Variants in BDP1 observed in about 807,000 individuals in gnomAD.
The protein encoded by BDP1 is transcription factor TFIIIB component B'' homolog.
In BDP1, 169 loss-of-function variants were observed where a neutral mutation model predicts 266.6. The observed-to-expected ratio is 0.63, with a 90% CI of 0.56 to 0.72. BDP1 has a LOEUF of 0.72. Among genes scored for constraint, BDP1 ranks in the 30% least tolerant of loss-of-function variants. The pLI is 0.00. For missense variants in BDP1, 3,015 were observed against 3,053.8 expected (o/e 0.99, Z 0.30); for synonymous variants, 1,090 against 1,022.4 (o/e 1.07, Z -1.26).
rs1216266138 is a variant in BDP1 at position 71,552,414 on chromosome 5, G to A, written c.6996-702G>A. 4.6e-5 allele frequency among the ~76,000 whole-genome samples: 7 copies of A among 152,314 alleles called. No individual in the cohort carries two copies. In the South Asian group the frequency reaches 1.0e-3, roughly 23 times the overall value. On this transcript the variant is annotated intron_variant, in intron 34 of 38. Transcript: ENST00000358731. The stretch of plus-strand genomic sequence containing the variant: ...CAGAGGGGCTCCTCACATCCCAGAC[G>A]ATGGGCGGCCAGGCAGAGGCTGCAA...
At chr5:71,577,488 G>C in the BDP1 span, among the ~76,000 whole-genome samples, 1 of 152,188 alleles carries the variant, frequency 6.6e-6, no homozygotes, top group Non-Finnish European at 1.5e-5. Flanking sequence ...CAAGTACAAA[G>C]CTTGCAATTG....
chr5:71,456,844 GTC>G (rs1252255094), intron 1 of BDP1, among the ~76,000 whole-genome samples: 4 of 152,196 alleles, frequency 2.6e-5, no homozygotes, highest in Non-Finnish European at 5.9e-5. Flanking sequence ...GGCTAAGATG[GTC>G]TCTGTTTCTA....
At position 71,513,763 on chromosome 5, in the gene BDP1, A is replaced by T. The variant is rs1376571604; in HGVS notation, c.4470+356A>T. Among the ~76,000 whole-genome samples, 3 of 151,974 alleles carry T rather than the reference A, an allele frequency of 2.0e-5. No homozygotes were observed. In the East Asian group the frequency reaches 5.8e-4, roughly 29 times the overall value. ...TGAGATGAAGTCTCACTCTGTTCCC[A>T]GGCTGGAGTGCAGTGGCGCGATCTC... On this transcript the variant is annotated intron_variant, in intron 19 of 38. Transcript: ENST00000358731.
intron 22 of BDP1, among the ~76,000 whole-genome samples, chr5:71,518,512 G>A (rs944098653): frequency 4.0e-5 from 6 of 151,726 alleles, no homozygotes; most frequent in South Asian, 4.2e-4. Context: ...GTGCAGTGGC[G>A]CAGTCACAGC....
the BDP1 span, among the ~76,000 whole-genome samples, chr5:71,576,772 G>A: frequency 6.6e-6 from 1 of 152,092 alleles, no homozygotes; most frequent in African/African-American, 2.4e-5. Flanking sequence ...AATCCCAGTC[G>A]GCCGCCCAGA....
intron 34 of BDP1, 23 bp from the exon 35 acceptor site, chr5:71,553,093 G>T (rs779146692): frequency 4.0e-5 from 62 of 1,550,874 alleles, no homozygotes; most frequent in Non-Finnish European, 5.1e-5. Flanking sequence ...CAGTAATTTA[G>T]TATGTATTTC....
intron 19 of BDP1, among the ~76,000 whole-genome samples, chr5:71,514,463 C>T (rs1032794802): frequency 6.6e-6 from 1 of 152,140 alleles, no homozygotes; most frequent in African/African-American, 2.4e-5. Context: ...TATCCACTTA[C>T]ACTTTTTCGT....
intron 4 of BDP1, among the ~76,000 whole-genome samples, chr5:71,464,808 T>G (rs1238134879): frequency 1.4e-5 from 2 of 140,026 alleles, no homozygotes; most frequent in Non-Finnish European, 3.0e-5. Context: ...AGCCTCTGCC[T>G]CCCGGGTTCA....
chr5:71,517,248 C>A, intron 21 of BDP1, 74 bp from the exon 22 acceptor site: 1 of 1,221,934 alleles, frequency 8.2e-7, no homozygotes, highest in Non-Finnish European at 1.1e-6. Flanking sequence ...AACTAAATAT[C>A]TTAATGGTGG....
intron 21 of BDP1, 71 bp from the exon 22 acceptor site, chr5:71,517,251 A>T: frequency 8.1e-7 from 1 of 1,231,268 alleles, no homozygotes; most frequent in Non-Finnish European, 1.1e-6. Context: ...TAAATATCTT[A>T]ATGGTGGAAA....
Position 71,494,444 on chromosome 5 carries a change from C to A in BDP1, c.1641-806C>A, listed in dbSNP as rs143677677. ...GCTTAAGCAATCCTCTCACCTCAGC[C>A]TTCTGAGTAGCTAGGACTACAGGCA... is the stretch of plus-strand genomic sequence containing the variant. On this transcript the variant is annotated intron_variant, in intron 11 of 38. Coordinates refer to ENST00000358731, the MANE Select transcript of BDP1 (RefSeq NM_018429.3). The A allele has an allele frequency of 3.5e-4, 54 of 152,344 alleles. 1 individual carries two copies. The highest frequency in any genetic ancestry group is 1.2e-3 in the African/African-American group (50 of 41,574). The allele number at this position is 152,344 out of a possible 1,614,324, so 9.4% of individuals were successfully genotyped here.
chr5:71,468,695 T>G (rs1579991405), intron 6 of BDP1, among the ~76,000 whole-genome samples: 1 of 148,562 alleles, frequency 6.7e-6, no homozygotes, highest in Non-Finnish European at 1.5e-5. Flanking sequence ...CAACCTCTGC[T>G]TCCTGGGTTC....
intron 7 of BDP1, 99 bp downstream of exon 7, chr5:71,470,588 CTTTT>C: frequency 2.5e-5 from 15 of 605,572 alleles, no homozygotes; most frequent in Admixed American, 7.8e-5. Flanking sequence ...CTTAGTTCAT[CTTTT>C]TTTTTTTTTT....
chr5:71,456,318 C>T (rs1460861787), intron 1 of BDP1, among the ~76,000 whole-genome samples: 5 of 152,196 alleles, frequency 3.3e-5, no homozygotes, highest in African/African-American at 4.8e-5. Flanking sequence ...GAGACCATGT[C>T]TTCAAGTGGT....
chr5:71,553,118 T>C lies in BDP1; in HGVS notation c.6998T>C (p.Ile2333Thr). The change falls in exon 35 of 39, where the codon ATT (isoleucine) becomes ACT (threonine). Residue 2333 changes from isoleucine to threonine, a missense_variant and splice_region_variant. Ile to Thr is a moderately conservative substitution (Grantham distance 89). Transcript: ENST00000358731. Reference protein sequence around the residue: ...VNTEERGDMSICLPATSVGQD... With the variant: ...VNTEERGDMSTCLPATSVGQD... ...GTATGTATTTCTTTTCTATGCAGTA[T>C]TTGTTTACCAGCAACTTCAGTTGGT... 2 of 1,609,916 alleles carry C rather than the reference T, an allele frequency of 1.2e-6. No individual in the cohort carries two copies. The highest frequency in any genetic ancestry group is 1.7e-6 in the Non-Finnish European group (2 of 1,178,784).
In BDP1 at chr5:71,516,100, A is replaced by C. The variant is rs1168661409; in HGVS notation, c.4689A>C (p.Glu1563Asp). The change falls in exon 21 of 39, where the codon GAA becomes GAC. Residue 1563 changes from glutamate (E) to aspartate (D), a missense_variant. Coordinates refer to ENST00000358731, the MANE Select transcript of BDP1 (RefSeq NM_018429.3). Reference sequence around the variant, plus strand: ...ACACTTTCCAGCAAGAAATGAAGGAAAGTGTTATCCAAACTGCTCGACAAG... The same window carrying C: ...ACACTTTCCAGCAAGAAATGAAGGACAGTGTTATCCAAACTGCTCGACAAG... ...NVNTFQQEMK[E>D]SVIQTARQVR... is the part of the protein sequence containing the mutation. The C allele has an allele frequency of 6.2e-7, 1 of 1,611,174 alleles. No homozygotes were observed. Among genetic ancestry groups the C allele is most frequent in the Non-Finnish European group, 8.5e-7 (1 of 1,178,416 alleles).
At chr5:71,558,117 T>C (rs1460410469) in intron 36 of BDP1, among the ~76,000 whole-genome samples, 1 of 152,202 alleles carries the variant, frequency 6.6e-6, no homozygotes, top group African/African-American at 2.4e-5. Flanking sequence ...TTCACACCTA[T>C]AGCCATTGCT....
At chr5:71,531,398 ACTT>A (rs1353972689) in intron 25 of BDP1, among the ~76,000 whole-genome samples, 4 of 152,202 alleles carry the variant, frequency 2.6e-5, no homozygotes, top group Admixed American at 6.5e-5. Context: ...ATATGAGTGA[ACTT>A]CTTATTTTAC....
chr5:71,553,073 A>T (rs756596053), intron 34 of BDP1, 43 bp from the exon 35 acceptor site: 2 of 1,467,586 alleles, frequency 1.4e-6, no homozygotes, highest in South Asian at 2.5e-5. Context: ...GTGTTAAATA[A>T]CTTCTAATTC....
Sources: allele counts gnomAD v4.1 joint callset (sites outside exome capture counted in the v4.1 genomes callset), GRCh38; gene constraint gnomAD v4.1.1; transcripts MANE v1.5; gene names NCBI Gene and HGNC (gene_info 2026-07-23, HGNC 2026-07-21).